ERI3: variants seen among roughly 807,000 people sequenced by gnomAD.
ERI3 encodes ERI1 exoribonuclease family member 3.
In ERI3, 18 loss-of-function variants were observed where a neutral mutation model predicts 44.4. That is an observed-to-expected ratio of 0.41 (90% CI 0.28 to 0.60). ERI3 has a LOEUF of 0.60. Ranked by LOEUF, ERI3 falls within the 20% of genes least tolerant of loss-of-function variation. The pLI, the probability that ERI3 is intolerant of heterozygous loss-of-function variation, is 0.36. For synonymous variants in ERI3, 183 were observed against 164.8 expected, an observed-to-expected ratio of 1.11 and a Z score of -0.84; for missense variants, 294 against 435.5, an observed-to-expected ratio of 0.68 and a Z score of 2.89.
At chr1:44,258,898 C>T (rs931187084) in intron 7 of ERI3, among the ~76,000 whole-genome samples, 2 of 152,160 alleles carry the variant, frequency 1.3e-5, no homozygotes, top group African/African-American at 4.8e-5. Flanking sequence ...AAATTCCAGC[C>T]TCCAGAGCTA....
chr1:44,304,901 T>C (rs1210187836), intron 6 of ERI3, among the ~76,000 whole-genome samples: 1 of 152,162 alleles, frequency 6.6e-6, no homozygotes. Flanking sequence ...TGCCTGCATT[T>C]ATGTGTTCAA....
intron 7 of ERI3, among the ~76,000 whole-genome samples, chr1:44,275,225 T>C (rs1433139369): frequency 1.3e-5 from 2 of 152,116 alleles, no homozygotes; most frequent in Non-Finnish European, 2.9e-5. Flanking sequence ...GGGCAGCACC[T>C]TGCAGCCACC....
intron 7 of ERI3, among the ~76,000 whole-genome samples, chr1:44,259,304 T>G (rs1572132653): frequency 2.8e-5 from 4 of 144,830 alleles, no homozygotes; most frequent in Non-Finnish European, 3.0e-5. Flanking sequence ...TGATTGGAGG[T>G]GGGGTGGGGG....
intron 1 of ERI3, chr1:44,353,280 C>T: frequency 1.0e-6 from 1 of 985,330 alleles, no homozygotes; most frequent in Non-Finnish European, 1.2e-6. Context: ...GGAACTAAGG[C>T]TGGGCCAGGA....
chr1:44,326,416 A>G (rs1439343403), intron 3 of ERI3, among the ~76,000 whole-genome samples: 1 of 152,216 alleles, frequency 6.6e-6, no homozygotes, highest in Non-Finnish European at 1.5e-5. Context: ...CCCTTGGAAA[A>G]AAAAAAGACA....
chr1:44,338,548 T>C (rs1355092057), intron 3 of ERI3, among the ~76,000 whole-genome samples: 1 of 152,216 alleles, frequency 6.6e-6, no homozygotes, highest in Non-Finnish European at 1.5e-5. Context: ...AAGAGCAAAG[T>C]GGACTGCAAT....
intron 6 of ERI3, 119 bp from the exon 7 acceptor site, chr1:44,285,026 T>G: frequency 2.5e-6 from 2 of 784,474 alleles, no homozygotes; most frequent in Non-Finnish European, 4.3e-6. Flanking sequence ...GTCAACCCAT[T>G]AGCCATGGGT....
intron 8 of ERI3, among the ~76,000 whole-genome samples, chr1:44,242,903 C>T (rs569483135): frequency 6.6e-5 from 10 of 152,312 alleles, no homozygotes; most frequent in East Asian, 1.9e-4. Context: ...AGGAGGAGGG[C>T]GGGCAGCCCA....
chr1:44,349,277 T>G (rs1267581606), intron 2 of ERI3, among the ~76,000 whole-genome samples: 1 of 152,166 alleles, frequency 6.6e-6, no homozygotes, highest in Non-Finnish European at 1.5e-5. Context: ...CTCAGCCTCC[T>G]CAATAGCTGG....
chr1:44,283,623 T>C (rs1003399560), intron 7 of ERI3, among the ~76,000 whole-genome samples: 1 of 151,986 alleles, frequency 6.6e-6, no homozygotes, highest in Non-Finnish European at 1.5e-5. Context: ...TCATGGGAGA[T>C]CAGCAGGAGA....
At chr1:44,301,395 T>C (rs994270250) in intron 6 of ERI3, among the ~76,000 whole-genome samples, 2 of 152,178 alleles carry the variant, frequency 1.3e-5, no homozygotes, top group African/African-American at 4.8e-5. Flanking sequence ...ACTGCCCTCA[T>C]GTTCACAGGA....
chr1:44,272,238 C>T (rs1645101228), intron 7 of ERI3, among the ~76,000 whole-genome samples: 1 of 152,176 alleles, frequency 6.6e-6, no homozygotes, highest in Non-Finnish European at 1.5e-5. Context: ...AAGTGTAGAG[C>T]CAAGATTCCA....
intron 7 of ERI3, among the ~76,000 whole-genome samples, chr1:44,248,320 G>C (rs1490497873): frequency 6.6e-6 from 1 of 152,026 alleles, no homozygotes; most frequent in Non-Finnish European, 1.5e-5. Flanking sequence ...CGTTCACTAG[G>C]CTCCTCCTTC....
intron 3 of ERI3, among the ~76,000 whole-genome samples, chr1:44,326,568 A>C (rs1436398246): frequency 6.6e-6 from 1 of 152,172 alleles, no homozygotes; most frequent in Non-Finnish European, 1.5e-5. Flanking sequence ...AAATAATTAG[A>C]TTTTAGGGCA....
intron 5 of ERI3, among the ~76,000 whole-genome samples, chr1:44,310,958 C>CGCGT (rs1553195224): frequency 2.5e-5 from 2 of 79,438 alleles, no homozygotes; most frequent in Non-Finnish European, 4.9e-5. Context: ...ACATCGCGCG[C>CGCGT]GCGCGCACAC....
chr1:44,298,463 T>TA (rs1328419713), intron 6 of ERI3, among the ~76,000 whole-genome samples: 2 of 152,010 alleles, frequency 1.3e-5, no homozygotes, highest in Non-Finnish European at 2.9e-5. Context: ...AAACATATAC[T>TA]AAATAACTAA....
intron 8 of ERI3, among the ~76,000 whole-genome samples, chr1:44,224,395 C>G (rs562586159): frequency 1.3e-5 from 2 of 152,368 alleles, no homozygotes; most frequent in African/African-American, 4.8e-5. Flanking sequence ...CAAGGACCCA[C>G]TCACTGTTTT....
At chr1:44,229,770 A>AC (rs55778769) in intron 8 of ERI3, among the ~76,000 whole-genome samples, 152,246 of 152,252 alleles carry the variant, frequency 1, 76,120 homozygotes, top group Middle Eastern at 1. Flanking sequence ...GGGTGCATAC[A>AC]CCTTTGGGCT....
chr1:44,334,754 CT>C (rs1274421685), intron 3 of ERI3, among the ~76,000 whole-genome samples: 2 of 152,198 alleles, frequency 1.3e-5, no homozygotes, highest in East Asian at 3.8e-4. Context: ...AACAGCAAAA[CT>C]GATGACAAAT....
Sources: allele counts gnomAD v4.1 joint callset (sites outside exome capture counted in the v4.1 genomes callset), GRCh38; gene constraint gnomAD v4.1.1; transcripts MANE v1.5; gene names NCBI Gene and HGNC (gene_info 2026-07-23, HGNC 2026-07-21).